The following TXNRD1 variants were observed in gnomAD, a reference collection of about 807,000 sequenced individuals.
TXNRD1 encodes thioredoxin reductase 1, cytoplasmic.
In TXNRD1, 57 loss-of-function variants were observed where a neutral mutation model predicts 80.3. The observed-to-expected ratio is 0.71, with a 90% confidence interval of 0.57 to 0.89. TXNRD1 has a LOEUF of 0.89. TXNRD1 is among the 40% of genes least tolerant of loss of function. The pLI is 0.00. For synonymous variants in TXNRD1, 291 were observed against 285.2 expected (o/e 1.02, Z -0.20); for missense variants, 730 against 803.0 (o/e 0.91, Z 1.10).
At chr12:104,288,749 G>A in intron 3 of TXNRD1, 182 bp from the exon 4 acceptor site, 1 of 1,477,816 alleles carries the variant, frequency 6.8e-7, no homozygotes, top group East Asian at 2.6e-5. Flanking sequence ...CAGACTCCAA[G>A]CTTGATTGTG....
chr12:104,331,477 T>C, intron 13 of TXNRD1, 57 bp from the exon 14 acceptor site: 1 of 1,056,952 alleles, frequency 9.5e-7, no homozygotes, highest in Non-Finnish European at 1.3e-6. Context: ...TTTGAATACC[T>C]TTTTTTTTAA....
At chr12:104,289,741 A>T (rs1387827468) in intron 4 of TXNRD1, among the ~76,000 whole-genome samples, 6 of 1,944 alleles carry the variant, frequency 3.1e-3, no homozygotes, top group East Asian at 0.023. Context: ...TATGTATTTA[A>T]AAAAAAAAAA....
intron 3 of TXNRD1, among the ~76,000 whole-genome samples, chr12:104,268,297 G>A (rs759971527): frequency 1.1e-4 from 17 of 151,248 alleles, no homozygotes; most frequent in Non-Finnish European, 1.5e-4. Flanking sequence ...TGATCACGAG[G>A]TCAGGAGATG....
intron 1 of TXNRD1, among the ~76,000 whole-genome samples, chr12:104,224,170 G>C (rs904852320): frequency 6.6e-6 from 1 of 152,096 alleles, no homozygotes; most frequent in Non-Finnish European, 1.5e-5. Context: ...ATGAATGGTT[G>C]TTCTCTTTTA....
At chr12:104,243,833 C>T (rs1185968360) in intron 1 of TXNRD1, among the ~76,000 whole-genome samples, 4 of 152,200 alleles carry the variant, frequency 2.6e-5, no homozygotes, top group Admixed American at 6.5e-5. Flanking sequence ...CAGTTTTAGT[C>T]TGTGTTTAGC....
intron 13 of TXNRD1, 134 bp from the exon 14 acceptor site, chr12:104,331,400 C>T: frequency 5.6e-6 from 3 of 534,804 alleles, no homozygotes; most frequent in East Asian, 3.0e-5. Context: ...ATTAATATCT[C>T]GGATTGAGAC....
intron 10 of TXNRD1, 75 bp downstream of exon 10, chr12:104,321,391 A>G: frequency 2.6e-6 from 3 of 1,170,080 alleles, no homozygotes; most frequent in South Asian, 1.3e-5. Flanking sequence ...AGTTGGTGGT[A>G]GAAGCATCCT....
At position 104,294,250 on chromosome 12, in the gene TXNRD1, C is replaced by G. The variant is rs1202744115; in HGVS notation, c.414+5210C>G. ...GGGGAAAGGCCCCCCCCCCCGCCGCCGGCTTTCCCGGTCTGCTAAGTAGCG... is the reference window on the plus strand; with the variant it reads ...GGGGAAAGGCCCCCCCCCCCGCCGCGGGCTTTCCCGGTCTGCTAAGTAGCG... On this transcript the variant is annotated intron_variant, in intron 4 of 16. Coordinates refer to ENST00000525566, the MANE Select transcript of TXNRD1 (RefSeq NM_001093771.3). Among the ~76,000 whole-genome samples the G allele has an allele frequency of 4.0e-4, 56 of 138,274 alleles. 6 individuals are homozygous for G. Among genetic ancestry groups the G allele is most frequent in the African/African-American group, 1.5e-3 (54 of 37,190 alleles). The allele number at this position is 138,274 out of a possible 152,430, so 90.7% of individuals were successfully genotyped here. A position where few individuals can be genotyped will look rare whatever the true frequency, so the allele number is the denominator to read the frequency against.
intron 4 of TXNRD1, among the ~76,000 whole-genome samples, chr12:104,309,064 A>AT (rs1327811210): frequency 1.5e-4 from 23 of 151,444 alleles, no homozygotes; most frequent in African/African-American, 5.1e-4. Flanking sequence ...CGCCCGGCTA[A>AT]TTTTTTTTGT....
At chr12:104,230,884 C>T (rs2032606715) in intron 1 of TXNRD1, among the ~76,000 whole-genome samples, 2 of 152,182 alleles carry the variant, frequency 1.3e-5, no homozygotes, top group South Asian at 4.1e-4. Flanking sequence ...CTGGCCCTCA[C>T]ACCCTAGCCT....
intron 6 of TXNRD1, among the ~76,000 whole-genome samples, chr12:104,315,430 G>T (rs911598059): frequency 6.6e-6 from 1 of 152,186 alleles, no homozygotes; most frequent in African/African-American, 2.4e-5. Flanking sequence ...AACATAAAGA[G>T]AAAAATCGTA....
chr12:104,277,235 C>CAAA (rs569575459), intron 3 of TXNRD1, among the ~76,000 whole-genome samples: 4,015 of 141,624 alleles, frequency 0.028, 92 homozygotes, highest in African/African-American at 0.05. Context: ...ACTAAAAATA[C>CAAA]AAAAAAAAAA....
intron 10 of TXNRD1, among the ~76,000 whole-genome samples, chr12:104,323,451 G>A (rs1473204403): frequency 6.9e-6 from 1 of 145,864 alleles, no homozygotes; most frequent in Non-Finnish European, 1.5e-5. Context: ...CCGGGCAGAG[G>A]GGCTCCTCAC....
intron 9 of TXNRD1, among the ~76,000 whole-genome samples, chr12:104,320,324 T>C (rs1357563692): frequency 6.6e-6 from 1 of 152,240 alleles, no homozygotes; most frequent in Non-Finnish European, 1.5e-5. Flanking sequence ...TTTTATCCTT[T>C]CTCACATGGT....
In TXNRD1 at chr12:104,327,652, A is replaced by G; in HGVS notation, c.1523A>G (p.Tyr508Cys). The change falls in exon 13 of 17, where the codon TAT becomes TGT. Residue 508 changes from tyrosine (Y) to cysteine (C), a missense_variant. Tyr to Cys is a radical substitution (Grantham distance 194, BLOSUM62 -2). Transcript: ENST00000525566. ...QAGRLLAQRL[Y>C]AGSTVKCDYE... ...GGAAGATTGCTGGCTCAGAGGCTCT[A>G]TGCAGGTTCCACTGTCAAGGTGAGT... The G allele has an allele frequency of 9.3e-6, 15 of 1,613,640 alleles. No homozygotes were observed. The highest frequency in any genetic ancestry group is 2.2e-5 in the South Asian group (2 of 91,036).
intron 4 of TXNRD1, chr12:104,303,737 G>T: frequency 2.2e-6 from 2 of 896,182 alleles, no homozygotes; most frequent in Non-Finnish European, 3.2e-6. Context: ...CCGCTAGTGC[G>T]CATGGGCGGG....
intron 8 of TXNRD1, 59 bp downstream of exon 8, chr12:104,319,114 T>G (rs1038475921): frequency 1.9e-6 from 3 of 1,544,600 alleles, no homozygotes; most frequent in Non-Finnish European, 2.6e-6. Flanking sequence ...TTTAAAAGCT[T>G]TGGTTAGAAA....
chr12:104,260,587 T>A (rs2033346664), intron 3 of TXNRD1, among the ~76,000 whole-genome samples: 2 of 152,246 alleles, frequency 1.3e-5, no homozygotes, highest in Admixed American at 1.3e-4. Flanking sequence ...CCTGTGTTAT[T>A]TCCATAATAC....
intron 3 of TXNRD1, among the ~76,000 whole-genome samples, chr12:104,261,449 C>T (rs1353349652): frequency 1.3e-5 from 2 of 152,188 alleles, no homozygotes; most frequent in African/African-American, 4.8e-5. Context: ...AGGCGTGAGC[C>T]ACCATGCCCG....
Sources: allele counts gnomAD v4.1 joint callset (sites outside exome capture counted in the v4.1 genomes callset), GRCh38; gene constraint gnomAD v4.1.1; transcripts MANE v1.5; gene names NCBI Gene and HGNC (gene_info 2026-07-23, HGNC 2026-07-21).